Variants in ALK observed in about 807,000 individuals in gnomAD.
The protein encoded by ALK is ALK receptor tyrosine kinase.
In ALK, 74 loss-of-function variants were observed where a neutral mutation model predicts 163.1. The ratio of observed to expected loss-of-function variants is 0.45; its 90% CI spans 0.38 to 0.55. The LOEUF is 0.55. Ranked by LOEUF, ALK falls within the 20% of genes least tolerant of loss-of-function variation. The probability of loss-of-function intolerance (pLI) is 0.00; values close to 1 mark genes in which losing one functional copy is unlikely to be tolerated. For missense variants in ALK, 2,063 were observed against 2,105.3 expected (o/e 0.98, Z 0.39); for synonymous variants, 960 against 843.2 (o/e 1.14, Z -2.40).
chr2:29,509,960 A>G (rs1161452265), intron 4 of ALK, among the ~76,000 whole-genome samples: 2 of 152,136 alleles, frequency 1.3e-5, no homozygotes, highest in Non-Finnish European at 2.9e-5. Context: ...AAGAAGAATG[A>G]CCACCCAGTG....
In ALK at chr2:29,618,256, A is replaced by G. The variant is rs116546438; in HGVS notation, c.952+76594T>C. Among the ~76,000 whole-genome samples, 795 of 152,338 alleles carry G rather than the reference A, an allele frequency of 5.2e-3. 8 individuals carry two copies. The highest frequency in any genetic ancestry group is 0.017 in the African/African-American group (701 of 41,572). ...CAGATGCAATTATAGTTGTGATTTAAGTACCAGAGTTGAGGTTCAAAGTCC... is the reference window on the plus strand; with the variant it reads ...CAGATGCAATTATAGTTGTGATTTAGGTACCAGAGTTGAGGTTCAAAGTCC... On this transcript the variant is annotated intron_variant, in intron 3 of 28. Coordinates refer to ENST00000389048, the MANE Select transcript of ALK (RefSeq NM_004304.5).
rs139523124 is a variant in ALK at position 29,264,376 on chromosome 2, C to T, written c.2041+10723G>A. Among the ~76,000 whole-genome samples, 148 of 152,284 alleles carry T rather than the reference C, an allele frequency of 9.7e-4. 2 individuals are homozygous for T. Among genetic ancestry groups the T allele is most frequent in the African/African-American group, 3.3e-3 (136 of 41,564 alleles). On this transcript the variant is annotated intron_variant, in intron 11 of 28. Transcript: ENST00000389048. ...GAAGGAACCTGAAGTTTTTTTCCCT[C>T]GATACTTCATTGTTAGGGCCCACAT... is the stretch of plus-strand genomic sequence containing the variant.
chr2:29,812,327 G>C (rs1048262924), intron 1 of ALK, among the ~76,000 whole-genome samples: 1 of 152,078 alleles, frequency 6.6e-6, no homozygotes, highest in Non-Finnish European at 1.5e-5. Flanking sequence ...TGTAGTATTT[G>C]CTGGTTTCTA....
chr2:29,450,635 T>C (rs1226264209), intron 4 of ALK, among the ~76,000 whole-genome samples: 1 of 152,054 alleles, frequency 6.6e-6, no homozygotes, highest in Non-Finnish European at 1.5e-5. Context: ...AAATAAAAAA[T>C]TATAAATGGA....
At chr2:29,496,985 A>C (rs952719039) in intron 4 of ALK, among the ~76,000 whole-genome samples, 15 of 152,202 alleles carry the variant, frequency 9.9e-5, no homozygotes, top group African/African-American at 3.6e-4. Context: ...TAAAATCCTG[A>C]TGAGGCCAGG....
intron 1 of ALK, among the ~76,000 whole-genome samples, chr2:29,815,708 A>G (rs1382955886): frequency 6.6e-6 from 1 of 152,174 alleles, no homozygotes; most frequent in Non-Finnish European, 1.5e-5. Flanking sequence ...GGAAACAAGG[A>G]CCAGGAATGG....
At chr2:29,524,179 A>C (rs1349824719) in intron 4 of ALK, among the ~76,000 whole-genome samples, 3 of 152,154 alleles carry the variant, frequency 2.0e-5, no homozygotes, top group African/African-American at 7.2e-5. Flanking sequence ...GCTTCAATTG[A>C]TATGTTATCC....
At chr2:29,236,159 A>G (rs77674331) in intron 13 of ALK, among the ~76,000 whole-genome samples, 11,579 of 151,900 alleles carry the variant, frequency 0.076, 558 homozygotes, top group Non-Finnish European at 0.11. Context: ...GGTTCTTGAC[A>G]GCTCTGTTGG....
At chr2:29,782,933 T>C (rs533405449) in intron 1 of ALK, among the ~76,000 whole-genome samples, 7 of 152,214 alleles carry the variant, frequency 4.6e-5, no homozygotes, top group Non-Finnish European at 7.3e-5. Context: ...TAGAAGGATG[T>C]CCTGTTGTGT....
At chr2:29,878,626 C>T (rs1410178611) in intron 1 of ALK, among the ~76,000 whole-genome samples, 1 of 152,170 alleles carries the variant, frequency 6.6e-6, no homozygotes, top group Non-Finnish European at 1.5e-5. Context: ...ACTATTGGGG[C>T]TTAGAAATTT....
At chr2:29,290,424 G>A (rs1665990818) in intron 9 of ALK, among the ~76,000 whole-genome samples, 1 of 152,210 alleles carries the variant, frequency 6.6e-6, no homozygotes, top group Non-Finnish European at 1.5e-5. Context: ...GGCGAGTGAT[G>A]TCTGCTCCTC....
At chr2:29,727,844 G>T (rs934829332) in intron 1 of ALK, among the ~76,000 whole-genome samples, 10 of 149,032 alleles carry the variant, frequency 6.7e-5, no homozygotes, top group African/African-American at 2.1e-4. Flanking sequence ...TTGGCCTCAT[G>T]CAGAGACTCA....
At chr2:29,634,928 A>G (rs1022690805) in intron 3 of ALK, among the ~76,000 whole-genome samples, 2 of 152,232 alleles carry the variant, frequency 1.3e-5, no homozygotes, top group Non-Finnish European at 2.9e-5. Context: ...TAATAAGTGA[A>G]TTCAGCAAGG....
At chr2:29,628,216 G>A (rs538477566) in intron 3 of ALK, among the ~76,000 whole-genome samples, 2 of 151,932 alleles carry the variant, frequency 1.3e-5, no homozygotes, top group Non-Finnish European at 2.9e-5. Context: ...CACCATTTAG[G>A]CCTTTTATGA....
chr2:29,531,853 T>C, intron 4 of ALK, 62 bp downstream of exon 4: 1 of 1,547,166 alleles, frequency 6.5e-7, no homozygotes, highest in South Asian at 1.1e-5. Context: ...ACTCTGGAAA[T>C]GTGTAACCAA....
At chr2:29,433,173 A>C (rs1670320954) in intron 4 of ALK, among the ~76,000 whole-genome samples, 1 of 152,192 alleles carries the variant, frequency 6.6e-6, no homozygotes, top group Non-Finnish European at 1.5e-5. Context: ...CCCCCTGTGA[A>C]TACTCTTTGA....
At chr2:29,884,068 T>C (rs1666931365) in intron 1 of ALK, among the ~76,000 whole-genome samples, 1 of 152,200 alleles carries the variant, frequency 6.6e-6, no homozygotes, top group South Asian at 2.1e-4. Context: ...CATTAAATCA[T>C]AACTATGAAA....
intron 4 of ALK, among the ~76,000 whole-genome samples, chr2:29,388,287 G>A (rs1429624038): frequency 1.3e-5 from 2 of 152,316 alleles, no homozygotes; most frequent in East Asian, 1.9e-4. Flanking sequence ...ATGACAACAC[G>A]TGAGGACCAT....
At chr2:29,627,345 G>A (rs1027360233) in intron 3 of ALK, among the ~76,000 whole-genome samples, 1 of 152,178 alleles carries the variant, frequency 6.6e-6, no homozygotes, top group Non-Finnish European at 1.5e-5. Flanking sequence ...GCAAGGAAGA[G>A]TATTTGCCTG....
Sources: gnomAD v4.1 joint callset for allele counts (sites outside exome capture counted in the v4.1 genomes callset) on GRCh38, gnomAD v4.1.1 for gene constraint, MANE v1.5 for transcripts, NCBI Gene and HGNC (gene_info 2026-07-23, HGNC 2026-07-21) for gene names.